Variants in GOLGA1 observed in about 807,000 individuals in gnomAD.
The protein encoded by GOLGA1 is golgin A1, also known as golgin subfamily A member 1.
In GOLGA1, 63 loss-of-function variants were observed where a neutral mutation model predicts 119.7. The ratio of observed to expected loss-of-function variants is 0.53; its 90% CI spans 0.43 to 0.65. The LOEUF (loss-of-function observed/expected upper bound fraction) is 0.65, where lower values mean the gene tolerates loss of function less well. Ranked by LOEUF, GOLGA1 falls within the 30% of genes least tolerant of loss-of-function variation. The probability of loss-of-function intolerance (pLI) is 0.00; values close to 1 mark genes in which losing one functional copy is unlikely to be tolerated. For missense variants in GOLGA1, 798 were observed against 912.8 expected, an observed-to-expected ratio of 0.87 and a Z score of 1.62; for synonymous variants, 318 against 333.4, an observed-to-expected ratio of 0.95 and a Z score of 0.50.
chr9:124,905,316 G>C (rs1310067131), intron 12 of GOLGA1, among the ~76,000 whole-genome samples: 3 of 151,908 alleles, frequency 2.0e-5, no homozygotes, highest in African/African-American at 7.3e-5. Flanking sequence ...ATAAAAATTA[G>C]CCAGGCGTGG....
At chr9:124,902,444 A>C (rs771410785) in intron 12 of GOLGA1, among the ~76,000 whole-genome samples, 5 of 151,126 alleles carry the variant, frequency 3.3e-5, no homozygotes, top group Non-Finnish European at 7.4e-5. Context: ...AAGCACAAGG[A>C]AGGCTGTATG....
At position 124,888,146 on chromosome 9, in the gene GOLGA1, A is replaced by T. The variant is rs1217014030; in HGVS notation, c.1905+107T>A. On this transcript the variant is annotated intron_variant, in intron 19 of 22. Coordinates refer to ENST00000373555, the MANE Select transcript of GOLGA1 (RefSeq NM_002077.4). The surrounding 1 kb of genome is among the most constrained non-coding windows in gnomAD (Gnocchi z 4.4). ...GGTGAGAGGGGTCATGGTTGCCAGGAGGTGCGGGGGAAACCACAAAAACCT... is the reference window on the plus strand; with the variant it reads ...GGTGAGAGGGGTCATGGTTGCCAGGTGGTGCGGGGGAAACCACAAAAACCT... The T allele has an allele frequency of 3.0e-6, 3 of 988,980 alleles. No homozygotes were observed. The highest frequency in any genetic ancestry group is 4.7e-6 in the Non-Finnish European group (3 of 631,636). 61.3% of individuals were successfully genotyped at this position (988,980 alleles called of 1,614,324 possible).
At chr9:124,913,168 C>T (rs1830372883) in intron 10 of GOLGA1, among the ~76,000 whole-genome samples, 1 of 152,106 alleles carries the variant, frequency 6.6e-6, no homozygotes, top group Admixed American at 6.5e-5. Context: ...AGAACTCACT[C>T]ACTATCACAA....
At chr9:124,909,871 T>G (rs1376073941) in intron 11 of GOLGA1, among the ~76,000 whole-genome samples, 1 of 152,122 alleles carries the variant, frequency 6.6e-6, no homozygotes, top group Non-Finnish European at 1.5e-5. Context: ...TTCAAGTGAT[T>G]CTCTTGCTTC....
intron 1 of GOLGA1, among the ~76,000 whole-genome samples, chr9:124,940,611 G>A (rs979541688): frequency 6.6e-6 from 1 of 152,228 alleles, no homozygotes; most frequent in Non-Finnish European, 1.5e-5. Flanking sequence ...GAGGCAGGCA[G>A]GTGCCTGCCA....
intron 8 of GOLGA1, among the ~76,000 whole-genome samples, chr9:124,922,869 C>T (rs1482562312): frequency 1.3e-5 from 2 of 151,184 alleles, no homozygotes; most frequent in Non-Finnish European, 3.0e-5. Flanking sequence ...AAAAACAAAA[C>T]AAAACAAAAC....
intron 10 of GOLGA1, among the ~76,000 whole-genome samples, chr9:124,914,539 T>C (rs1163265606): frequency 1.3e-5 from 2 of 151,306 alleles, no homozygotes; most frequent in South Asian, 2.1e-4. Flanking sequence ...TAACTGTTGA[T>C]GTAAGAGTTG....
intron 3 of GOLGA1, among the ~76,000 whole-genome samples, chr9:124,937,381 A>C (rs1433329511): frequency 3.3e-5 from 5 of 152,152 alleles, no homozygotes; most frequent in African/African-American, 1.2e-4. Context: ...TGAACCCGGG[A>C]GATGGAGGTT....
intron 2 of GOLGA1, among the ~76,000 whole-genome samples, chr9:124,939,513 GA>G (rs1188342823): frequency 7.2e-6 from 1 of 138,270 alleles, no homozygotes; most frequent in Admixed American, 7.1e-5. Context: ...TTTTGAGTTT[GA>G]TAAAATTACC....
At chr9:124,924,652 GA>G (rs1444881261) in intron 7 of GOLGA1, among the ~76,000 whole-genome samples, 1 of 72,038 alleles carries the variant, frequency 1.4e-5, no homozygotes, top group Non-Finnish European at 2.8e-5. Context: ...AAAAAAAAAA[GA>G]AAAAAAGAAA....
intron 20 of GOLGA1, 61 bp downstream of exon 20, chr9:124,882,449 C>T: frequency 7.9e-7 from 1 of 1,262,220 alleles, no homozygotes; most frequent in Non-Finnish European, 1.2e-6. Context: ...CTCAGGAGGA[C>T]CGGGCACAGG....
Position 124,888,938 on chromosome 9 carries a change from A to G in GOLGA1, c.1761+205T>C, listed in dbSNP as rs1014628441. ...ATGGTCTCGATCTCCTGAACTCGTG[A>G]TCCACCCGCCTCGGCCTCCCAAAGT... On this transcript the variant is annotated intron_variant, in intron 18 of 22. Transcript: ENST00000373555. This position sits in a 1 kb window ranked among gnomAD's most constrained non-coding sequence, Gnocchi z 4.4. 6.6e-6 allele frequency among the ~76,000 whole-genome samples: 1 copy of G among 152,110 alleles called. No individual in the cohort carries two copies. The highest frequency in any genetic ancestry group is 2.4e-5 in the African/African-American group (1 of 41,430).
At chr9:124,898,246 G>C (rs1028945073) in intron 15 of GOLGA1, among the ~76,000 whole-genome samples, 4 of 152,194 alleles carry the variant, frequency 2.6e-5, no homozygotes, top group African/African-American at 9.7e-5. Flanking sequence ...AGGAAGGGCT[G>C]GCCTCTGTGG....
At chr9:124,907,704 G>A (rs1588076864) in intron 12 of GOLGA1, among the ~76,000 whole-genome samples, 1 of 152,244 alleles carries the variant, frequency 6.6e-6, no homozygotes, top group South Asian at 2.1e-4. Context: ...TGAAGACAAG[G>A]CCAAACTCAT....
At chr9:124,908,529 T>C (rs985733978) in intron 11 of GOLGA1, 57 bp from the exon 12 acceptor site, 3 of 910,664 alleles carry the variant, frequency 3.3e-6, no homozygotes, top group Admixed American at 1.7e-5. Flanking sequence ...AATAAATATT[T>C]ACAGATTATC....
In GOLGA1 at chr9:124,881,432, C is replaced by T. The variant is rs577430896; in HGVS notation, c.2137-175G>A. ...TAGGTTCTTTCTTCCCCTGCATCCT[C>T]GGGGGCCTGGCAGGCTTAAGGGAAC... is the stretch of plus-strand genomic sequence containing the variant. On this transcript the variant is annotated intron_variant, in intron 21 of 22. Coordinates refer to ENST00000373555, the MANE Select transcript of GOLGA1 (RefSeq NM_002077.4). The surrounding 1 kb of genome is among the most constrained non-coding windows in gnomAD (Gnocchi z 4.9). 2.3e-4 allele frequency among the ~76,000 whole-genome samples: 35 copies of T among 152,162 alleles called. No individual in the cohort carries two copies. The highest frequency in any genetic ancestry group is 4.6e-4 in the Non-Finnish European group (31 of 68,026).
intron 19 of GOLGA1, among the ~76,000 whole-genome samples, chr9:124,887,793 G>A (rs1829757256): frequency 6.6e-6 from 1 of 152,162 alleles, no homozygotes; most frequent in Admixed American, 6.5e-5. Flanking sequence ...GACATTTATT[G>A]AGCCTCTACC....
Position 124,938,785 on chromosome 9 carries a change from G to C in GOLGA1, c.-74C>G. On this transcript the variant is annotated 5_prime_UTR_variant, in exon 3 of 23. Transcript: ENST00000373555. ...GGTGCCTGTGTTCAGGATTCAGACA[G>C]AGGCGCCTACAAAGTTTCAGACATC... 7.5e-7 allele frequency: 1 copy of C among 1,336,446 alleles called. No individual in the cohort carries two copies. Among genetic ancestry groups the C allele is most frequent in the Non-Finnish European group, 1.0e-6 (1 of 978,040 alleles). The allele number at this position is 1,336,446 out of a possible 1,614,324, so 82.8% of individuals were successfully genotyped here.
intron 3 of GOLGA1, among the ~76,000 whole-genome samples, chr9:124,937,187 C>T (rs1830890205): frequency 6.6e-6 from 1 of 152,134 alleles, no homozygotes; most frequent in Non-Finnish European, 1.5e-5. Context: ...AGTGTGGTGG[C>T]TCACCCCTGT....
Sources: gnomAD v4.1 joint callset for allele counts (sites outside exome capture counted in the v4.1 genomes callset) on GRCh38, gnomAD v4.1.1 for gene constraint, Gnocchi (gnomAD v3.1) non-coding constraint, MANE v1.5 for transcripts, NCBI Gene and HGNC (gene_info 2026-07-23, HGNC 2026-07-21) for gene names.